The following CCDC192 variants were observed in gnomAD, a reference collection of about 807,000 sequenced individuals.
CCDC192 encodes the protein coiled-coil domain-containing protein 192.
chr5:127,759,467 CTGTGAACCAGGAAGCAGACCCTCA>C (rs112141382), intron 3 of CCDC192, among the ~76,000 whole-genome samples: 8,953 of 152,250 alleles, frequency 0.059, 585 homozygotes, highest in East Asian at 0.27. Context: ...AAGCTGCCAT[CTGTGAACCAGGAAGCAGACCCTCA>C]TAAGACACCA....
chr5:127,716,563 T>C (rs949929851), intron 2 of CCDC192, among the ~76,000 whole-genome samples: 1 of 152,204 alleles, frequency 6.6e-6, no homozygotes, highest in African/African-American at 2.4e-5. Flanking sequence ...TCAATCTTCT[T>C]ATTTGTTATT....
chr5:127,883,623 G>A lies in CCDC192; in HGVS notation c.535+7962G>A, dbSNP rs545486950. Among the ~76,000 whole-genome samples, 14 of 152,346 alleles carry A rather than the reference G, an allele frequency of 9.2e-5. 2 individuals carry two copies. In the East Asian group the frequency reaches 1.9e-3, roughly 21 times the overall value. ...ATTTCAGAACTTCCCGCAAGGATAA[G>A]CATCTGTTTCAGGAGTCCCTGCAGA... is the stretch of plus-strand genomic sequence containing the variant. On this transcript the variant is annotated intron_variant, in intron 6 of 6. Transcript: ENST00000514853.
chr5:127,756,979 CCAAA>C, intron 3 of CCDC192, among the ~76,000 whole-genome samples: 1 of 152,240 alleles, frequency 6.6e-6, no homozygotes, highest in South Asian at 2.1e-4. Flanking sequence ...TTATATAACA[CCAAA>C]CAATTAGATG....
chr5:127,831,665 T>C (rs911595236), intron 5 of CCDC192, among the ~76,000 whole-genome samples: 4 of 152,158 alleles, frequency 2.6e-5, no homozygotes, highest in African/African-American at 9.7e-5. Flanking sequence ...AGGTAATCTC[T>C]AATGATAGAA....
At position 127,759,119 on chromosome 5, in the gene CCDC192, T is replaced by A. The variant is rs552952982; in HGVS notation, c.222+4744T>A. On this transcript the variant is annotated intron_variant, in intron 3 of 6. Coordinates refer to ENST00000514853, the MANE Select transcript of CCDC192 (RefSeq NM_001317938.2). ...TCCACTATCTGCTAGCTTTATGGCC[T>A]TGGGCAATTCACTTTGTCTCCCCAG... Among the ~76,000 whole-genome samples the A allele has an allele frequency of 2.0e-5, 3 of 152,290 alleles. No homozygotes were observed. In the South Asian group the frequency reaches 6.2e-4, roughly 32 times the overall value.
intron 3 of CCDC192, among the ~76,000 whole-genome samples, chr5:127,795,444 AAACTCATGT>A (rs1757112287): frequency 1.3e-5 from 2 of 152,156 alleles, no homozygotes; most frequent in African/African-American, 4.8e-5. Context: ...TCTGTTGTTT[AAACTCATGT>A]AATCCTCAAA....
intron 6 of CCDC192, among the ~76,000 whole-genome samples, chr5:127,888,608 G>A (rs1022268431): frequency 2.6e-5 from 4 of 152,024 alleles, no homozygotes; most frequent in African/African-American, 9.7e-5. Context: ...TCTCATTTAT[G>A]GATGTTAACC....
chr5:127,771,180 C>T (rs1018957261), intron 3 of CCDC192, among the ~76,000 whole-genome samples: 2 of 152,182 alleles, frequency 1.3e-5, no homozygotes, highest in African/African-American at 4.8e-5. Context: ...ATTTTTCCTA[C>T]TGTGTGAAGA....
rs1580527637 is a variant in CCDC192, at chr5:127,719,745, A to G, written c.114+11985A>G. Reference sequence around the variant, plus strand: ...TTCTGCTCATGGTTCTACAGAAAGCATGGCTGGGAGGCTTCAGAAAACTTA... The same window carrying G: ...TTCTGCTCATGGTTCTACAGAAAGCGTGGCTGGGAGGCTTCAGAAAACTTA... On this transcript the variant is annotated intron_variant, in intron 2 of 6. Coordinates refer to ENST00000514853, the MANE Select transcript of CCDC192 (RefSeq NM_001317938.2). Among the ~76,000 whole-genome samples, 4 of 148,368 alleles carry G rather than the reference A, an allele frequency of 2.7e-5. No homozygotes were observed. The East Asian group carries it at 6.1e-4, about 23-fold the overall frequency.
At chr5:127,873,877 C>T (rs1751960814) in intron 5 of CCDC192, among the ~76,000 whole-genome samples, 1 of 152,080 alleles carries the variant, frequency 6.6e-6, no homozygotes, top group Non-Finnish European at 1.5e-5. Context: ...TATTAAAATG[C>T]CAACTTAATA....
chr5:127,831,298 T>A (rs1233217637), intron 5 of CCDC192, among the ~76,000 whole-genome samples: 6 of 151,036 alleles, frequency 4.0e-5, no homozygotes, highest in Admixed American at 3.9e-4. Flanking sequence ...AAATCAAGTC[T>A]GTAATCATCA....
chr5:127,735,646 C>A (rs1463555307), intron 2 of CCDC192, among the ~76,000 whole-genome samples: 1 of 127,684 alleles, frequency 7.8e-6, no homozygotes, highest in East Asian at 2.6e-4. Flanking sequence ...TCCTTCACAT[C>A]CCTTGTAAGT....
chr5:127,771,571 T>C (rs1022866254), intron 3 of CCDC192, among the ~76,000 whole-genome samples: 10 of 151,908 alleles, frequency 6.6e-5, no homozygotes, highest in African/African-American at 2.4e-4. Context: ...AATGCAGAAG[T>C]GGATTGGGGG....
At chr5:127,871,606 A>T (rs1273694475) in intron 5 of CCDC192, among the ~76,000 whole-genome samples, 1 of 152,218 alleles carries the variant, frequency 6.6e-6, no homozygotes. Flanking sequence ...TCTAAGGCTT[A>T]GAAATGTCAT....
chr5:127,916,628 T>C (rs1217996070), intron 6 of CCDC192, among the ~76,000 whole-genome samples: 1 of 152,248 alleles, frequency 6.6e-6, no homozygotes, highest in African/African-American at 2.4e-5. Flanking sequence ...TGTACATCTC[T>C]ACCAAAACTT....
rs1233251639 is a variant in CCDC192 at position 127,855,176 on chromosome 5, A to G, written c.412-20362A>G. 2.6e-5 allele frequency among the ~76,000 whole-genome samples: 4 copies of G among 152,254 alleles called. No individual in the cohort carries two copies. In the East Asian group the frequency reaches 5.8e-4, roughly 22 times the overall value. On this transcript the variant is annotated intron_variant, in intron 5 of 6. Transcript: ENST00000514853. ...GAAAGATTCTGTAGTATGCCACACT[A>G]TTTAATAGCATGTTTCCCATAGCAG... is the stretch of plus-strand genomic sequence containing the variant.
intron 3 of CCDC192, among the ~76,000 whole-genome samples, chr5:127,773,711 A>C (rs1412432700): frequency 1.3e-5 from 2 of 152,198 alleles, no homozygotes; most frequent in African/African-American, 2.4e-5. Flanking sequence ...ACTTTTAGCT[A>C]TTATGAATAA....
intron 5 of CCDC192, among the ~76,000 whole-genome samples, chr5:127,819,860 A>G (rs192724233): frequency 2.5e-4 from 38 of 152,284 alleles, no homozygotes; most frequent in African/African-American, 8.9e-4. Context: ...CCTCTGCACA[A>G]ATGAATAGTC....
intron 5 of CCDC192, among the ~76,000 whole-genome samples, chr5:127,850,150 A>T (rs1436609446): frequency 6.6e-6 from 1 of 152,126 alleles, no homozygotes; most frequent in East Asian, 1.9e-4. Context: ...TTTCATGATC[A>T]CACTTAATCC....
Sources: gnomAD v4.1 joint callset for allele counts (sites outside exome capture counted in the v4.1 genomes callset) on GRCh38, gnomAD v4.1.1 for gene constraint, MANE v1.5 for transcripts, NCBI Gene and HGNC (gene_info 2026-07-23, HGNC 2026-07-21) for gene names.